SLC8A1: variants seen among roughly 807,000 people sequenced by gnomAD.
SLC8A1 encodes the protein solute carrier family 8 member A1.
Under a neutral mutation model 68.3 loss-of-function variants are expected in SLC8A1, and 18 were observed. The observed-to-expected ratio is 0.26, with a 90% CI of 0.18 to 0.39. The LOEUF (loss-of-function observed/expected upper bound fraction) is 0.39. Among genes scored for constraint, SLC8A1 ranks in the 10% least tolerant of loss-of-function variants. SLC8A1 has a pLI of 1.00. For synonymous variants in SLC8A1, 475 were observed against 415.5 expected (o/e 1.14, Z -1.74); for missense variants, 985 against 1,156.7 (o/e 0.85, Z 2.15).
chr2:40,308,671 C>T (rs190519138), intron 2 of SLC8A1, among the ~76,000 whole-genome samples: 3 of 151,988 alleles, frequency 2.0e-5, no homozygotes, highest in Non-Finnish European at 4.4e-5. Context: ...AAAATAAAAA[C>T]AAACCTCTAA....
At chr2:40,283,362 C>G (rs143387441) in intron 2 of SLC8A1, among the ~76,000 whole-genome samples, 1 of 152,284 alleles carries the variant, frequency 6.6e-6, no homozygotes, top group East Asian at 1.9e-4. Context: ...GGTAAAACAT[C>G]TGGATCTTTG....
intron 2 of SLC8A1, among the ~76,000 whole-genome samples, chr2:40,382,331 A>C (rs1011194142): frequency 2.0e-5 from 3 of 152,112 alleles, no homozygotes; most frequent in African/African-American, 7.2e-5. Flanking sequence ...CAGTGAGTAC[A>C]TACACCTAGT....
intron 1 of SLC8A1, among the ~76,000 whole-genome samples, chr2:40,481,277 C>T (rs887145353): frequency 1.3e-5 from 2 of 152,138 alleles, no homozygotes; most frequent in African/African-American, 2.4e-5. Flanking sequence ...CTAAGGTTCA[C>T]GCTTTTTATA....
chr2:40,154,489 T>C (rs1362685066), intron 6 of SLC8A1, among the ~76,000 whole-genome samples: 1 of 145,722 alleles, frequency 6.9e-6, no homozygotes, highest in Non-Finnish European at 1.5e-5. Flanking sequence ...CTTTTCTTTT[T>C]TTTTTTTTTT....
At chr2:40,230,194 A>G (rs1253259826) in intron 2 of SLC8A1, among the ~76,000 whole-genome samples, 2 of 152,196 alleles carry the variant, frequency 1.3e-5, no homozygotes, top group Non-Finnish European at 2.9e-5. Context: ...TCGCTAGTCC[A>G]GAAACATTAC....
At chr2:40,352,060 GAAT>G (rs1671267379) in intron 2 of SLC8A1, among the ~76,000 whole-genome samples, 1 of 152,110 alleles carries the variant, frequency 6.6e-6, no homozygotes, top group Non-Finnish European at 1.5e-5. Context: ...TCAATCTAGA[GAAT>G]AATTATGCCT....
intron 7 of SLC8A1, among the ~76,000 whole-genome samples, chr2:40,134,552 C>T (rs73927121): frequency 0.03 from 4,573 of 152,234 alleles, 208 homozygotes; most frequent in African/African-American, 0.1. Flanking sequence ...GTTCTGAGGT[C>T]CTCAGTGCTT....
chr2:40,154,493 T>C (rs2044084190), intron 6 of SLC8A1, among the ~76,000 whole-genome samples: 1 of 145,964 alleles, frequency 6.9e-6, no homozygotes, highest in Non-Finnish European at 1.5e-5. Flanking sequence ...TCTTTTTTTT[T>C]TTTTTTTGTA....
chr2:40,450,774 G>T (rs1281707294), intron 1 of SLC8A1, among the ~76,000 whole-genome samples: 1 of 152,166 alleles, frequency 6.6e-6, no homozygotes, highest in Non-Finnish European at 1.5e-5. Flanking sequence ...CCAGGTTCGG[G>T]GGCTTCAAAA....
At chr2:40,209,106 A>C (rs548395037) in intron 2 of SLC8A1, 3 of 152,266 alleles carry the variant, frequency 2.0e-5, no homozygotes, top group East Asian at 3.9e-4. Context: ...ATATATAATA[A>C]TTAAAGTATT....
At chr2:40,464,989 C>T (rs902370068) in intron 1 of SLC8A1, among the ~76,000 whole-genome samples, 1 of 152,094 alleles carries the variant, frequency 6.6e-6, no homozygotes, top group Non-Finnish European at 1.5e-5. Context: ...TCTCCCACCC[C>T]CAGCTGTGCC....
At chr2:40,216,135 C>A (rs866240836) in intron 2 of SLC8A1, among the ~76,000 whole-genome samples, 1 of 151,808 alleles carries the variant, frequency 6.6e-6, no homozygotes, top group Non-Finnish European at 1.5e-5. Context: ...GTTGACCCAT[C>A]CTCTAAGTTT....
intron 2 of SLC8A1, among the ~76,000 whole-genome samples, chr2:40,422,785 T>A (rs1276265921): frequency 6.6e-6 from 1 of 152,200 alleles, no homozygotes; most frequent in East Asian, 1.9e-4. Context: ...AAATTCTCTT[T>A]AGGACCTTCA....
At position 40,272,255 on chromosome 2, in the gene SLC8A1, T is replaced by C. The variant is rs558614961; in HGVS notation, c.1809-94400A>G. Among the ~76,000 whole-genome samples the C allele has an allele frequency of 1.9e-3, 288 of 152,304 alleles. 1 individual carries two copies. The highest frequency in any genetic ancestry group is 6.8e-3 in the African/African-American group (281 of 41,570). ...CATTAATCCATTCAACACATGCTTATTGAGAACTTAAGCTAGGTCCATAAT... is the reference window on the plus strand; with the variant it reads ...CATTAATCCATTCAACACATGCTTACTGAGAACTTAAGCTAGGTCCATAAT... On this transcript the variant is annotated intron_variant, in intron 2 of 7. Transcript: ENST00000406785.
chr2:40,383,559 A>T (rs142683950), intron 2 of SLC8A1, among the ~76,000 whole-genome samples: 17 of 152,246 alleles, frequency 1.1e-4, no homozygotes, highest in African/African-American at 2.9e-4. Context: ...CTAGATTTAC[A>T]ACTATGATAG....
rs143573165 is a variant in SLC8A1, at chr2:40,143,964, T to G, written c.2162-4288A>C. 9.6e-3 allele frequency among the ~76,000 whole-genome samples: 1,463 copies of G among 152,304 alleles called. 4 individuals carry two copies. Among genetic ancestry groups the G allele is most frequent in the Non-Finnish European group, 0.016 (1,097 of 68,008 alleles). ...GACACTTAAATTTCCCAAGCCTCAG[T>G]TGCTCACCTGTCAAATGAGTTTCCT... On this transcript the variant is annotated intron_variant, in intron 6 of 7. Transcript: ENST00000406785.
intron 2 of SLC8A1, among the ~76,000 whole-genome samples, chr2:40,243,938 A>G (rs1417886054): frequency 6.6e-6 from 1 of 152,194 alleles, no homozygotes; most frequent in African/African-American, 2.4e-5. Context: ...GCAACGTAAG[A>G]GGAAAAGTGG....
At chr2:40,346,774 A>G (rs1209400835) in intron 2 of SLC8A1, among the ~76,000 whole-genome samples, 1 of 152,138 alleles carries the variant, frequency 6.6e-6, no homozygotes, top group African/African-American at 2.4e-5. Context: ...AGAATAAACT[A>G]AAGGAAAGGG....
chr2:40,182,510 C>A (rs970238876), intron 2 of SLC8A1, among the ~76,000 whole-genome samples: 2 of 152,084 alleles, frequency 1.3e-5, no homozygotes, highest in Non-Finnish European at 2.9e-5. Context: ...AAAAAACATT[C>A]GGTTAAGAAA....
Sources: allele counts gnomAD v4.1 joint callset (sites outside exome capture counted in the v4.1 genomes callset), GRCh38; gene constraint gnomAD v4.1.1; transcripts MANE v1.5; gene names NCBI Gene and HGNC (gene_info 2026-07-23, HGNC 2026-07-21).